Variants in GSE1 observed in about 807,000 individuals in gnomAD.
GSE1 encodes Gse1 coiled-coil protein, also known as genetic suppressor element 1.
GSE1 carries 32 observed loss-of-function variants against 112.6 expected under a neutral mutation model. The observed-to-expected ratio is 0.28, with a 90% CI of 0.21 to 0.38. The LOEUF is 0.38. Among genes scored for constraint, GSE1 ranks in the 10% least tolerant of loss-of-function variants. The pLI is 1.00. For synonymous variants in GSE1, 1,115 were observed against 735.6 expected (o/e 1.52, Z -8.35); for missense variants, 2,348 against 1,699.2 (o/e 1.38, Z -6.71).
chr16:85,520,597 T>G (rs1015293581), intron 2 of GSE1, among the ~76,000 whole-genome samples: 7 of 151,904 alleles, frequency 4.6e-5, no homozygotes, highest in Admixed American at 3.9e-4. Flanking sequence ...AATTTTTGTT[T>G]TTTTTAGTAG....
At chr16:85,659,503 CACAAA>C (rs1391057806) in intron 8 of GSE1, 14 of 152,284 alleles carry the variant, frequency 9.2e-5, no homozygotes, top group African/African-American at 3.4e-4. Flanking sequence ...CTAAGTCCAG[CACAAA>C]TATGGTGACC....
chr16:85,183,112 T>C lies in GSE1; in HGVS notation c.2283+11305T>C, dbSNP rs546962023. On this transcript the variant is annotated intron_variant, in intron 1 of 2. Coordinates refer to the GSE1 transcript ENST00000637419. ...ACATGCGTGCTCTTCCATGCACACC[T>C]GTACCCTCACCCCCTCACCGCCACA... Among the ~76,000 whole-genome samples the C allele has an allele frequency of 3.3e-5, 5 of 152,244 alleles. No individual in the cohort carries two copies. In the East Asian group the frequency reaches 5.8e-4, roughly 18 times the overall value.
rs556336674 is a variant in GSE1 at position 85,673,447 on chromosome 16, GGTTTTGTTTGTT to G, written c.*915_*926del. The G allele has an allele frequency of 8.6e-5, 13 of 150,662 alleles. No homozygotes were observed. Among genetic ancestry groups the G allele is most frequent in the African/African-American group, 3.2e-4 (13 of 40,864 alleles). The allele number at this position is 150,662 out of a possible 1,614,324, so 9.3% of individuals were successfully genotyped here. On this transcript the variant is annotated 3_prime_UTR_variant, in exon 16 of 16. Transcript: ENST00000253458. ...TTTTTGTTTGTTTTTCCTGTTTGGG[GGTTTTGTTTGTT>G]GTTTTGGTTTTTTTTGGGCAAAAAA...
intron 2 of GSE1, among the ~76,000 whole-genome samples, chr16:85,512,747 C>T (rs183832192): frequency 1.4e-4 from 22 of 152,162 alleles, no homozygotes; most frequent in Admixed American, 8.5e-4. Flanking sequence ...GGAACGGGAG[C>T]GGTGGGGGCT....
chr16:85,369,598 G>T (rs113418336), intron 2 of GSE1, among the ~76,000 whole-genome samples: 3 of 151,922 alleles, frequency 2.0e-5, no homozygotes, highest in African/African-American at 7.3e-5. Flanking sequence ...GATGCCCCTC[G>T]CCACCCTGGA....
At chr16:85,413,111 C>A (rs1181089907) in intron 2 of GSE1, among the ~76,000 whole-genome samples, 1 of 152,184 alleles carries the variant, frequency 6.6e-6, no homozygotes, top group African/African-American at 2.4e-5. Flanking sequence ...GTTTCCAGGC[C>A]GAGCGCCCTT....
At chr16:85,516,586 C>CAAAAAA (rs35709045) in intron 2 of GSE1, among the ~76,000 whole-genome samples, 1 of 80,474 alleles carries the variant, frequency 1.2e-5, no homozygotes, top group African/African-American at 4.3e-5. Context: ...GACCCTGTCT[C>CAAAAAA]AAAAAAAAAA....
At chr16:85,613,467 GTTCGCGGGT>G in intron 1 of GSE1, 69 bp downstream of exon 1, 2 of 1,390,952 alleles carry the variant, frequency 1.4e-6, no homozygotes, top group Non-Finnish European at 9.6e-7. Context: ...CCTCCTGCAA[GTTCGCGGGT>G]TTCGCGGGGG....
chr16:85,519,145 G>T (rs572527536), intron 2 of GSE1, among the ~76,000 whole-genome samples: 7 of 151,772 alleles, frequency 4.6e-5, no homozygotes, highest in African/African-American at 1.5e-4. Flanking sequence ...TGGGTATCAA[G>T]TGTGGGACCA....
intron 2 of GSE1, among the ~76,000 whole-genome samples, chr16:85,437,921 G>GCCTC (rs2049289729): frequency 6.6e-6 from 1 of 152,172 alleles, no homozygotes; most frequent in South Asian, 2.1e-4. Context: ...AATAGTACCT[G>GCCTC]CCTCCCATCA....
At chr16:85,471,866 G>T (rs770747678) in intron 2 of GSE1, among the ~76,000 whole-genome samples, 1 of 152,172 alleles carries the variant, frequency 6.6e-6, no homozygotes, top group Non-Finnish European at 1.5e-5. Context: ...ACACACTGTC[G>T]TGCCTGGCTA....
intron 1 of GSE1, among the ~76,000 whole-genome samples, chr16:85,287,564 C>A (rs1043964765): frequency 6.6e-6 from 1 of 152,106 alleles, no homozygotes; most frequent in Non-Finnish European, 1.5e-5. Flanking sequence ...ACCCGCTGCC[C>A]CCTCTGCCTG....
chr16:85,188,225 C>G (rs767910533), intron 1 of GSE1, among the ~76,000 whole-genome samples: 1 of 152,056 alleles, frequency 6.6e-6, no homozygotes, highest in Non-Finnish European at 1.5e-5. Context: ...CTTCACGGGG[C>G]TGCTGGGCAC....
chr16:85,515,878 T>G (rs1192115504), intron 2 of GSE1, among the ~76,000 whole-genome samples: 1 of 152,134 alleles, frequency 6.6e-6, no homozygotes, highest in African/African-American at 2.4e-5. Flanking sequence ...AAGCCTGCCT[T>G]TCCCCACCGG....
intron 1 of GSE1, among the ~76,000 whole-genome samples, chr16:85,235,857 C>A (rs1424423849): frequency 6.6e-6 from 1 of 151,942 alleles, no homozygotes; most frequent in Non-Finnish European, 1.5e-5. Flanking sequence ...CAGCTGTTCG[C>A]GATGCACATC....
exon 1 of GSE1, chr16:85,170,195 G>T: frequency 1.0e-6 from 1 of 985,326 alleles, no homozygotes; most frequent in African/African-American, 1.7e-5. Flanking sequence ...CCGGGACAGG[G>T]CGCAGAGGCC....
intron 2 of GSE1, among the ~76,000 whole-genome samples, chr16:85,452,886 C>G (rs2049725013): frequency 6.6e-6 from 1 of 152,004 alleles, no homozygotes; most frequent in African/African-American, 2.4e-5. Flanking sequence ...TGCTGCAGTG[C>G]TGGGTGGGGG....
intron 2 of GSE1, among the ~76,000 whole-genome samples, chr16:85,643,562 G>A (rs1322087646): frequency 6.6e-6 from 1 of 152,200 alleles, no homozygotes; most frequent in African/African-American, 2.4e-5. Context: ...TGGAGTGGCA[G>A]CTGCCTTGGT....
At chr16:85,275,673 T>C (rs1206115140) in intron 1 of GSE1, among the ~76,000 whole-genome samples, 1 of 152,080 alleles carries the variant, frequency 6.6e-6, no homozygotes, top group Non-Finnish European at 1.5e-5. Context: ...GCAGTCAGGG[T>C]GAGGGGACCC....
Sources: gnomAD v4.1 joint callset for allele counts (sites outside exome capture counted in the v4.1 genomes callset) on GRCh38, gnomAD v4.1.1 for gene constraint, MANE v1.5 for transcripts, NCBI Gene and HGNC (gene_info 2026-07-23, HGNC 2026-07-21) for gene names.